SND1: variants seen among roughly 807,000 people sequenced by gnomAD.
The protein encoded by SND1 is staphylococcal nuclease and tudor domain containing 1, also known as staphylococcal nuclease domain-containing protein 1.
Under a neutral mutation model 121.7 loss-of-function variants are expected in SND1, and 38 were observed. The ratio of observed to expected loss-of-function variants is 0.31; its 90% CI spans 0.24 to 0.41. SND1 has a LOEUF of 0.41. SND1 is among the 10% of genes least tolerant of loss of function. SND1 has a pLI of 1.00. For synonymous variants in SND1, 401 were observed against 447.4 expected (o/e 0.90, Z 1.31); for missense variants, 868 against 1,184.6 (o/e 0.73, Z 3.92).
chr7:127,923,568 GC>G (rs1217290757), intron 14 of SND1, among the ~76,000 whole-genome samples: 1 of 152,178 alleles, frequency 6.6e-6, no homozygotes, highest in Non-Finnish European at 1.5e-5. Context: ...AGATGATCAT[GC>G]TGTATAACTG....
chr7:127,751,954 C>G (rs1797104926), intron 10 of SND1, among the ~76,000 whole-genome samples: 1 of 152,206 alleles, frequency 6.6e-6, no homozygotes, highest in Non-Finnish European at 1.5e-5. Flanking sequence ...GCCTGAATCC[C>G]AAGTAGCATC....
At chr7:128,062,615 A>G (rs942034898) in intron 16 of SND1, among the ~76,000 whole-genome samples, 2 of 152,184 alleles carry the variant, frequency 1.3e-5, no homozygotes, top group Non-Finnish European at 2.9e-5. Flanking sequence ...TATCTGTTCA[A>G]ACAGATTCTT....
At chr7:127,760,975 A>G (rs1296378668) in intron 10 of SND1, among the ~76,000 whole-genome samples, 1 of 152,232 alleles carries the variant, frequency 6.6e-6, no homozygotes, top group East Asian at 1.9e-4. Context: ...CATAATCTTT[A>G]GAGAACATTT....
At chr7:128,006,758 A>G (rs1179257867) in intron 16 of SND1, among the ~76,000 whole-genome samples, 3 of 152,190 alleles carry the variant, frequency 2.0e-5, no homozygotes, top group Non-Finnish European at 4.4e-5. Context: ...ACTCCTGCCT[A>G]TGTAGACTTT....
chr7:127,807,643 T>C (rs1798260514), intron 11 of SND1, 70 bp downstream of exon 11: 1 of 1,203,288 alleles, frequency 8.3e-7, no homozygotes. Flanking sequence ...AGGCAATTGT[T>C]ATAAGCTGGG....
chr7:127,877,587 C>CT (rs1490578057), intron 12 of SND1, among the ~76,000 whole-genome samples: 1 of 152,032 alleles, frequency 6.6e-6, no homozygotes, highest in Non-Finnish European at 1.5e-5. Flanking sequence ...TGACATTTCT[C>CT]TATCATCCTT....
chr7:127,693,083 T>C (rs565769233), intron 2 of SND1, among the ~76,000 whole-genome samples: 1 of 152,234 alleles, frequency 6.6e-6, no homozygotes, highest in Non-Finnish European at 1.5e-5. Flanking sequence ...ATATTAATAC[T>C]CAGGACTACA....
Position 128,081,480 on chromosome 7 carries a change from T to C in SND1, c.2089T>C (p.Tyr697His). ...TGAGATCACTGATGACCTGCACTTC[T>C]ACGTGCAGGATGTGGAGACCGGTGA... ...VTEITDDLHF[Y>H]VQDVETGTQL... The change falls in exon 18 of 24, where the codon TAC (tyrosine) becomes CAC (histidine). Residue 697 changes from tyrosine (Y) to histidine (H), a missense_variant. Transcript: ENST00000354725. 6.2e-7 allele frequency: 1 copy of C among 1,614,034 alleles called. No homozygotes were observed.
At chr7:127,721,147 T>C in intron 9 of SND1, 140 bp from the exon 10 acceptor site, 1 of 517,928 alleles carries the variant, frequency 1.9e-6, no homozygotes, top group Non-Finnish European at 3.5e-6. Context: ...CTGACATTGT[T>C]GCACCATGAA....
intron 16 of SND1, chr7:128,030,082 T>G (rs1185680141): frequency 6.2e-7 from 1 of 1,613,502 alleles, no homozygotes; most frequent in Non-Finnish European, 8.5e-7. Flanking sequence ...CCCTCAGAGA[T>G]ATACTCCAGC....
At chr7:127,719,350 A>T (rs2116382441) in intron 9 of SND1, among the ~76,000 whole-genome samples, 1 of 152,252 alleles carries the variant, frequency 6.6e-6, no homozygotes, top group South Asian at 2.1e-4. Flanking sequence ...CAGTGACTGA[A>T]TCTGTATTTT....
At chr7:128,030,467 C>T (rs1792548727) in intron 16 of SND1, 1 of 1,613,530 alleles carries the variant, frequency 6.2e-7, no homozygotes, top group Admixed American at 1.7e-5. Flanking sequence ...TGCACACCAC[C>T]TTGCTGAACT....
chr7:127,722,747 C>T (rs1334905805), intron 10 of SND1, among the ~76,000 whole-genome samples: 5 of 152,128 alleles, frequency 3.3e-5, no homozygotes, highest in East Asian at 3.9e-4. Flanking sequence ...TGAATCAGAT[C>T]ATACATAAAA....
intron 1 of SND1, among the ~76,000 whole-genome samples, chr7:127,674,606 G>A (rs1477447000): frequency 6.6e-6 from 1 of 152,178 alleles, no homozygotes; most frequent in Non-Finnish European, 1.5e-5. Context: ...TAGCTTTTTT[G>A]ACCTGTTGGT....
At chr7:127,918,517 G>C (rs866772373) in intron 14 of SND1, among the ~76,000 whole-genome samples, 2 of 152,070 alleles carry the variant, frequency 1.3e-5, no homozygotes, top group African/African-American at 4.8e-5. Flanking sequence ...CCACAATGTG[G>C]GTTTCCTTAT....
intron 10 of SND1, among the ~76,000 whole-genome samples, chr7:127,781,074 TTC>T (rs1797711705): frequency 6.6e-6 from 1 of 152,190 alleles, no homozygotes; most frequent in Admixed American, 6.5e-5. Context: ...GGGAACATAT[TTC>T]TGCTCAATGT....
chr7:127,941,055 C>G (rs1355582809), intron 15 of SND1, among the ~76,000 whole-genome samples: 1 of 152,180 alleles, frequency 6.6e-6, no homozygotes, highest in African/African-American at 2.4e-5. Context: ...CAAGCACTGG[C>G]CTATGAGGAG....
At chr7:127,827,406 G>T (rs1798661636) in intron 11 of SND1, among the ~76,000 whole-genome samples, 1 of 151,992 alleles carries the variant, frequency 6.6e-6, no homozygotes, top group South Asian at 2.1e-4. Flanking sequence ...TAGCCTAATT[G>T]CAAATTATGA....
intron 13 of SND1, among the ~76,000 whole-genome samples, chr7:127,900,893 T>G (rs532867313): frequency 6.6e-6 from 1 of 152,214 alleles, no homozygotes; most frequent in South Asian, 2.1e-4. Flanking sequence ...TCTGCCCCAC[T>G]GTTTCCTTTC....
Sources: gnomAD v4.1 joint callset for allele counts (sites outside exome capture counted in the v4.1 genomes callset) on GRCh38, gnomAD v4.1.1 for gene constraint, MANE v1.5 for transcripts, NCBI Gene and HGNC (gene_info 2026-07-23, HGNC 2026-07-21) for gene names.